Variants in KCNIP4 observed in about 807,000 individuals in gnomAD.
The protein encoded by KCNIP4 is Kv channel-interacting protein 4.
A neutral mutation model predicts 34.0 loss-of-function variants in KCNIP4; 12 were observed. That is an observed-to-expected ratio of 0.35 (90% CI 0.23 to 0.57). The LOEUF is 0.57. Ranked by LOEUF, KCNIP4 falls within the 20% of genes least tolerant of loss-of-function variation. KCNIP4 has a pLI of 0.83. For synonymous variants in KCNIP4, 124 were observed against 102.2 expected (o/e 1.21, Z -1.29); for missense variants, 238 against 311.7 (o/e 0.76, Z 1.78).
rs1746812440 is a variant in KCNIP4, at chr4:21,643,880, A to ATAGG, written c.61+304690_61+304691insCCTA. 5.2e-5 allele frequency among the ~76,000 whole-genome samples: 7 copies of ATAGG among 135,558 alleles called. No individual in the cohort carries two copies. The East Asian group carries it at 2.2e-3, about 43-fold the overall frequency. 88.9% of individuals were successfully genotyped at this position (135,558 alleles called of 152,430 possible). ...AGGTGATGATGATGATGATAGATAGATAGATAGATAGATAGATAGATAGAT... is the reference window on the plus strand; with the variant it reads ...AGGTGATGATGATGATGATAGATAGATAGGTAGATAGATAGATAGATAGATAGAT... On this transcript the variant is annotated intron_variant, in intron 1 of 8. Coordinates refer to ENST00000382152, the MANE Select transcript of KCNIP4 (RefSeq NM_025221.6).
intron 1 of KCNIP4, among the ~76,000 whole-genome samples, chr4:21,066,561 T>C (rs547277239): frequency 1.4e-5 from 2 of 145,500 alleles, no homozygotes; most frequent in East Asian, 4.4e-4. Context: ...CATGCGGCAC[T>C]GAGAGAATGT....
intron 3 of KCNIP4, among the ~76,000 whole-genome samples, chr4:20,793,669 G>A (rs1438660143): frequency 6.6e-6 from 1 of 152,000 alleles, no homozygotes; most frequent in East Asian, 1.9e-4. Context: ...TGGTGTACTT[G>A]ATTTCTCTTA....
At chr4:21,052,362 CTGAT>C (rs1335830429) in intron 1 of KCNIP4, among the ~76,000 whole-genome samples, 1 of 152,102 alleles carries the variant, frequency 6.6e-6, no homozygotes, top group Non-Finnish European at 1.5e-5. Context: ...CCCAAACCTC[CTGAT>C]ATTGTATATA....
In KCNIP4 at chr4:21,938,881, T is replaced by G. The variant is rs1357818470; in HGVS notation, c.61+9690A>C. On this transcript the variant is annotated intron_variant, in intron 1 of 8. Coordinates refer to ENST00000382152, the MANE Select transcript of KCNIP4 (RefSeq NM_025221.6). ...TAAACAATTAACATATCTTTTTATA[T>G]TCTGAAACTTTTACTAGCACTGTGT... Among the ~76,000 whole-genome samples, 3 of 152,172 alleles carry G rather than the reference T, an allele frequency of 2.0e-5. No individual in the cohort carries two copies. The East Asian group carries it at 5.8e-4, about 29-fold the overall frequency.
At chr4:21,793,955 TA>T (rs1208034467) in intron 1 of KCNIP4, among the ~76,000 whole-genome samples, 1 of 152,070 alleles carries the variant, frequency 6.6e-6, no homozygotes, top group African/African-American at 2.4e-5. Context: ...TATGCAGCCA[TA>T]AAAAAGGATG....
At chr4:20,779,168 G>A (rs1261103751) in intron 3 of KCNIP4, among the ~76,000 whole-genome samples, 2 of 152,106 alleles carry the variant, frequency 1.3e-5, no homozygotes, top group Non-Finnish European at 2.9e-5. Flanking sequence ...CTTCCTTCTA[G>A]GAGTTAATTA....
chr4:21,787,469 T>G (rs2109225858), intron 1 of KCNIP4, among the ~76,000 whole-genome samples: 1 of 152,294 alleles, frequency 6.6e-6, no homozygotes. Flanking sequence ...ACAGCAAAAC[T>G]CAGTACACTC....
chr4:21,089,573 A>C (rs1746789765), intron 1 of KCNIP4, among the ~76,000 whole-genome samples: 1 of 152,224 alleles, frequency 6.6e-6, no homozygotes, highest in Admixed American at 6.5e-5. Context: ...GTTGAAAAAT[A>C]AGTCATGAAA....
At chr4:21,350,020 C>A (rs2109371071) in intron 1 of KCNIP4, among the ~76,000 whole-genome samples, 2 of 152,188 alleles carry the variant, frequency 1.3e-5, no homozygotes, top group South Asian at 4.2e-4. Context: ...AACTCTACCT[C>A]CTTCTTTCTC....
chr4:20,874,873 G>T (rs1723843703), intron 2 of KCNIP4, among the ~76,000 whole-genome samples: 2 of 152,058 alleles, frequency 1.3e-5, no homozygotes, highest in South Asian at 4.1e-4. Flanking sequence ...AGGGCCAATT[G>T]GTATTACAGC....
intron 1 of KCNIP4, among the ~76,000 whole-genome samples, chr4:21,393,528 G>A (rs560520943): frequency 1.3e-4 from 20 of 152,164 alleles, no homozygotes; most frequent in African/African-American, 2.2e-4. Context: ...GATGAGCCAC[G>A]GGAAATCTGT....
At chr4:21,165,644 T>C (rs949651977) in intron 1 of KCNIP4, among the ~76,000 whole-genome samples, 2 of 152,168 alleles carry the variant, frequency 1.3e-5, no homozygotes, top group African/African-American at 4.8e-5. Flanking sequence ...AAAGGTTTTC[T>C]AGATATGAGA....
intron 1 of KCNIP4, among the ~76,000 whole-genome samples, chr4:21,614,256 A>G (rs1744412000): frequency 6.6e-6 from 1 of 151,996 alleles, no homozygotes; most frequent in Admixed American, 6.6e-5. Context: ...TCATGCAGAC[A>G]ACACGCTCTT....
intron 1 of KCNIP4, among the ~76,000 whole-genome samples, chr4:21,224,488 G>A (rs1758213113): frequency 6.7e-6 from 1 of 149,352 alleles, no homozygotes; most frequent in Admixed American, 6.7e-5. Context: ...TTCACCCTAT[G>A]AGTTTGGGTT....
At chr4:21,784,419 C>G (rs1719766113) in intron 1 of KCNIP4, among the ~76,000 whole-genome samples, 1 of 143,946 alleles carries the variant, frequency 6.9e-6, no homozygotes, top group Non-Finnish European at 1.5e-5. Flanking sequence ...ATTCTTAACA[C>G]TAGAAAAAAA....
chr4:21,396,433 G>C (rs1330798394), intron 1 of KCNIP4, among the ~76,000 whole-genome samples: 1 of 151,386 alleles, frequency 6.6e-6, no homozygotes, highest in Non-Finnish European at 1.5e-5. Flanking sequence ...GCAGATGCCT[G>C]TAGTCCCAGC....
chr4:21,653,419 C>A (rs890816028), intron 1 of KCNIP4, among the ~76,000 whole-genome samples: 1 of 152,164 alleles, frequency 6.6e-6, no homozygotes, highest in Non-Finnish European at 1.5e-5. Context: ...TTGGAACAGT[C>A]TTGTACATGT....
intron 1 of KCNIP4, among the ~76,000 whole-genome samples, chr4:21,241,210 C>A (rs1759788219): frequency 6.6e-6 from 1 of 152,038 alleles, no homozygotes; most frequent in African/African-American, 2.4e-5. Flanking sequence ...TGTTTGTTCA[C>A]AGAAAAATTA....
intron 1 of KCNIP4, among the ~76,000 whole-genome samples, chr4:21,822,103 T>G (rs991056108): frequency 1.3e-5 from 2 of 152,180 alleles, no homozygotes; most frequent in Non-Finnish European, 2.9e-5. Context: ...GGATTACACA[T>G]GAATTCATCA....
Sources: gnomAD v4.1 joint callset for allele counts (sites outside exome capture counted in the v4.1 genomes callset) on GRCh38, gnomAD v4.1.1 for gene constraint, MANE v1.5 for transcripts, NCBI Gene and HGNC (gene_info 2026-07-23, HGNC 2026-07-21) for gene names.